Variants in BRINP3 observed in about 807,000 individuals in gnomAD.
The protein encoded by BRINP3 is BMP/retinoic acid-inducible neural-specific protein 3.
Under a neutral mutation model 71.0 loss-of-function variants are expected in BRINP3, and 19 were observed. The observed-to-expected ratio is 0.27, with a 90% CI of 0.19 to 0.39. The LOEUF (loss-of-function observed/expected upper bound fraction) is 0.39. Ranked by LOEUF, BRINP3 falls within the 10% of genes least tolerant of loss-of-function variation. BRINP3 has a pLI of 1.00. For missense variants in BRINP3, 959 were observed against 940.8 expected (o/e 1.02, Z -0.25); for synonymous variants, 380 against 337.7 (o/e 1.13, Z -1.37).
chr1:190,457,990 A>G (rs1419807032), intron 1 of BRINP3, among the ~76,000 whole-genome samples: 1 of 152,000 alleles, frequency 6.6e-6, no homozygotes, highest in Admixed American at 6.6e-5. Context: ...CAGTAGTGGA[A>G]CAATTTAACA....
chr1:190,251,048 C>T (rs1395064414), intron 4 of BRINP3, among the ~76,000 whole-genome samples: 1 of 151,570 alleles, frequency 6.6e-6, no homozygotes, highest in Non-Finnish European at 1.5e-5. Flanking sequence ...GAGACCCCAT[C>T]TCTATAAATA....
chr1:190,213,908 T>C (rs1411346100), intron 6 of BRINP3, among the ~76,000 whole-genome samples: 3 of 151,972 alleles, frequency 2.0e-5, no homozygotes, highest in Admixed American at 2.0e-4. Flanking sequence ...CTAAAAATAA[T>C]GAAGTTTAAA....
intron 7 of BRINP3, among the ~76,000 whole-genome samples, chr1:190,123,558 T>C (rs1193014812): frequency 6.6e-6 from 1 of 152,146 alleles, no homozygotes. Flanking sequence ...TATTAAGTTA[T>C]ACTTGCTATG....
chr1:190,365,806 G>GTATATATATA lies in BRINP3; in HGVS notation c.237-84066_237-84057dup, dbSNP rs66540359. Among the ~76,000 whole-genome samples the GTATATATATA allele has an allele frequency of 4.9e-3, 629 of 127,784 alleles. 2 individuals are homozygous for GTATATATATA. Among genetic ancestry groups the GTATATATATA allele is most frequent in the African/African-American group, 0.012 (425 of 34,494 alleles). The allele number at this position is 127,784 out of a possible 152,430, so 83.8% of individuals were successfully genotyped here. ...CGAAGAGTACAATGAGAGAGCAAGT[G>GTATATATATA]TATATATATATATATATATATATAT... On this transcript the variant is annotated intron_variant, in intron 2 of 7. Transcript: ENST00000367462.
chr1:190,156,284 T>G (rs771518890), intron 7 of BRINP3, among the ~76,000 whole-genome samples: 17 of 152,064 alleles, frequency 1.1e-4, no homozygotes, highest in Non-Finnish European at 2.2e-4. Context: ...GTCTTGTTTG[T>G]TTTTGCTTAT....
chr1:190,140,660 G>C (rs1490475514), intron 7 of BRINP3, among the ~76,000 whole-genome samples: 2 of 152,126 alleles, frequency 1.3e-5, no homozygotes, highest in Non-Finnish European at 2.9e-5. Flanking sequence ...TAAAATTAAA[G>C]CTGTAGAATT....
chr1:190,210,051 A>G (rs1655852852), intron 6 of BRINP3, among the ~76,000 whole-genome samples: 1 of 152,130 alleles, frequency 6.6e-6, no homozygotes, highest in African/African-American at 2.4e-5. Context: ...TACTGGGTAT[A>G]CAACATTAGA....
At chr1:190,115,297 T>C (rs1653036632) in intron 7 of BRINP3, among the ~76,000 whole-genome samples, 1 of 152,168 alleles carries the variant, frequency 6.6e-6, no homozygotes, top group Non-Finnish European at 1.5e-5. Context: ...CTCAGCAAAG[T>C]AGAAACATCT....
At chr1:190,140,034 G>A (rs890513205) in intron 7 of BRINP3, among the ~76,000 whole-genome samples, 5 of 152,078 alleles carry the variant, frequency 3.3e-5, no homozygotes, top group African/African-American at 1.2e-4. Context: ...TAGAGAAAGG[G>A]GTTAAGAAAA....
At chr1:190,469,946 T>C (rs952980944) in intron 1 of BRINP3, among the ~76,000 whole-genome samples, 1 of 151,112 alleles carries the variant, frequency 6.6e-6, no homozygotes, top group African/African-American at 2.4e-5. Flanking sequence ...TTTTTTAGAC[T>C]GGCTTACATT....
intron 2 of BRINP3, among the ~76,000 whole-genome samples, chr1:190,288,741 G>A (rs1346586923): frequency 6.6e-6 from 1 of 151,808 alleles, no homozygotes; most frequent in Admixed American, 6.6e-5. Context: ...TTTTAAAAAT[G>A]TATAAATATT....
intron 4 of BRINP3, among the ~76,000 whole-genome samples, chr1:190,255,938 A>T (rs527362432): frequency 1.1e-3 from 162 of 152,252 alleles, no homozygotes; most frequent in African/African-American, 3.7e-3. Flanking sequence ...CACTGCTTTA[A>T]ATATGTCCGA....
chr1:190,387,472 A>G (rs1030443423), intron 2 of BRINP3, among the ~76,000 whole-genome samples: 6 of 151,866 alleles, frequency 4.0e-5, no homozygotes, highest in Admixed American at 1.3e-4. Flanking sequence ...AATTTGGGTC[A>G]CTGTTTAATT....
intron 2 of BRINP3, among the ~76,000 whole-genome samples, chr1:190,394,293 TTAGAACAAAA>T (rs1185439662): frequency 1.3e-5 from 2 of 151,656 alleles, no homozygotes; most frequent in African/African-American, 4.8e-5. Flanking sequence ...TAATGAGTCC[TTAGAACAAAA>T]TATAATTCCC....
In BRINP3 at chr1:190,363,351, G is replaced by T. The variant is rs955729189; in HGVS notation, c.237-81601C>A. On this transcript the variant is annotated intron_variant, in intron 2 of 7. Coordinates refer to ENST00000367462, the MANE Select transcript of BRINP3 (RefSeq NM_199051.3). ...TGAGCAGAGGACACAGTTCACCCCT[G>T]CCCAAACTCCTGACACGCAGAAATA... is the stretch of plus-strand genomic sequence containing the variant. Among the ~76,000 whole-genome samples the T allele has an allele frequency of 2.0e-5, 3 of 152,234 alleles. 1 individual carries two copies. Among genetic ancestry groups the T allele is most frequent in the African/African-American group, 2.4e-5 (1 of 41,548 alleles).
At chr1:190,262,252 C>T (rs1661250207) in intron 4 of BRINP3, among the ~76,000 whole-genome samples, 1 of 152,084 alleles carries the variant, frequency 6.6e-6, no homozygotes, top group African/African-American at 2.4e-5. Flanking sequence ...TGCAGCTAAC[C>T]TTGGCCTGGA....
chr1:190,185,994 C>G (rs1253622866), intron 6 of BRINP3, among the ~76,000 whole-genome samples: 1 of 152,036 alleles, frequency 6.6e-6, no homozygotes, highest in East Asian at 1.9e-4. Context: ...TGACACCATA[C>G]ATTATATTTA....
rs375507662 is a variant in BRINP3 at position 190,411,107 on chromosome 1, C to T, written c.236+43548G>A. 4.6e-5 allele frequency among the ~76,000 whole-genome samples: 7 copies of T among 152,012 alleles called. No individual in the cohort carries two copies. In the East Asian group the frequency reaches 5.8e-4, roughly 13 times the overall value. On this transcript the variant is annotated intron_variant, in intron 2 of 7. Coordinates refer to ENST00000367462, the MANE Select transcript of BRINP3 (RefSeq NM_199051.3). ...CATTTTATTGGTTTAAGGATAGATA[C>T]ACAAATCAGAAACACAGGAAATAGA...
intron 6 of BRINP3, among the ~76,000 whole-genome samples, chr1:190,164,512 A>T (rs990612981): frequency 5.9e-5 from 9 of 152,106 alleles, no homozygotes; most frequent in Non-Finnish European, 1.2e-4. Flanking sequence ...TAATATTGTG[A>T]ATACATATAA....
Sources: gnomAD v4.1 joint callset for allele counts (sites outside exome capture counted in the v4.1 genomes callset) on GRCh38, gnomAD v4.1.1 for gene constraint, MANE v1.5 for transcripts, NCBI Gene and HGNC (gene_info 2026-07-23, HGNC 2026-07-21) for gene names.